The following CLCN4 variants were observed in gnomAD, a reference collection of about 807,000 sequenced individuals.
The protein encoded by CLCN4 is H(+)/Cl(-) exchange transporter 4.
In CLCN4, 1 loss-of-function variant was observed where a neutral mutation model predicts 41.7. The ratio of observed to expected loss-of-function variants is 0.02; its 90% CI spans 0.01 to 0.11. The LOEUF (loss-of-function observed/expected upper bound fraction) is 0.11. Ranked by LOEUF, CLCN4 falls within the 10% of genes least tolerant of loss-of-function variation. CLCN4 has a pLI of 1.00. For missense variants in CLCN4, 287 were observed against 661.0 expected, an observed-to-expected ratio of 0.43 and a Z score of 6.20; for synonymous variants, 277 against 285.8, an observed-to-expected ratio of 0.97 and a Z score of 0.31.
At chrX:10,171,438 G>C (rs1923384173) in intron 2 of CLCN4, among the ~76,000 whole-genome samples, 1 of 111,730 alleles carries the variant, frequency 9.0e-6, no homozygotes, top group Non-Finnish European at 1.9e-5. Context: ...AGTGGAACTT[G>C]AAATTAGGTT....
chrX:10,189,507 C>T (rs1249077674), intron 4 of CLCN4, among the ~76,000 whole-genome samples: 4 of 111,904 alleles, frequency 3.6e-5, no homozygotes, highest in Admixed American at 1.9e-4. Flanking sequence ...CACCACTGGC[C>T]AAAGGAGAGC....
At chrX:10,209,829 CTTTTT>C (rs58207034) in intron 9 of CLCN4, among the ~76,000 whole-genome samples, 1 of 97,640 alleles carries the variant, frequency 1.0e-5, no homozygotes, top group Non-Finnish European at 2.1e-5. Context: ...GTTATTATAG[CTTTTT>C]TTTTTTTTTT....
At chrX:10,228,017 G>A (rs1201993466) in intron 12 of CLCN4, among the ~76,000 whole-genome samples, 1 of 110,619 alleles carries the variant, frequency 9.0e-6, no homozygotes, top group East Asian at 2.8e-4. Flanking sequence ...ATACAGGCAT[G>A]TAATGCATAA....
At chrX:10,173,039 C>T (rs149075583) in intron 2 of CLCN4, among the ~76,000 whole-genome samples, 162 of 111,362 alleles carry the variant, frequency 1.5e-3, no homozygotes, top group Non-Finnish European at 2.6e-3. Context: ...ATGACGATCA[C>T]GGTAATGCAG....
At position 10,234,447 on chromosome X, in the gene CLCN4, G is replaced by A. The variant is rs902450444; in HGVS notation, c.*863G>A. The A allele has an allele frequency of 7.1e-5, 8 of 113,071 alleles. No homozygotes were observed. Among genetic ancestry groups the A allele is most frequent in the Non-Finnish European group, 1.1e-4 (6 of 53,401 alleles). 9.3% of individuals were successfully genotyped at this position (113,071 alleles called of 1,213,427 possible). ...CATGCATTCAATATTGATCAGCTCA[G>A]CACTTCCATGGGCCATAGCCGGTAT... is the stretch of plus-strand genomic sequence containing the variant. On this transcript the variant is annotated 3_prime_UTR_variant, in exon 13 of 13. Coordinates refer to ENST00000380833, the MANE Select transcript of CLCN4 (RefSeq NM_001830.4).
chrX:10,226,029 T>C (rs1419618815), intron 12 of CLCN4, among the ~76,000 whole-genome samples: 1 of 111,750 alleles, frequency 8.9e-6, no homozygotes, highest in Non-Finnish European at 1.9e-5. Flanking sequence ...AGCTTTGTTC[T>C]TTTTGCTTAG....
intron 12 of CLCN4, among the ~76,000 whole-genome samples, chrX:10,230,961 T>G (rs1273363184): frequency 8.9e-6 from 1 of 111,767 alleles, no homozygotes; most frequent in African/African-American, 3.3e-5. Flanking sequence ...TACAGAGTAG[T>G]TTCACTGCCC....
chrX:10,167,654 C>T (rs1444759238), intron 2 of CLCN4, among the ~76,000 whole-genome samples: 3 of 112,556 alleles, frequency 2.7e-5, no homozygotes, highest in Admixed American at 9.3e-5. Context: ...TTCAGGGTAT[C>T]CTGTGGGGAT....
rs1375752652 is a variant in CLCN4 at position 10,237,154 on chromosome X, G to A, written c.*3570G>A. ...TTTGAGCCTAATAAGTCACAGAAAT[G>A]GAAAATTTTAGAGCAGTTTGTTTCA... On this transcript the variant is annotated 3_prime_UTR_variant, in exon 13 of 13. Coordinates refer to ENST00000380833, the MANE Select transcript of CLCN4 (RefSeq NM_001830.4). 8.9e-6 allele frequency: 1 copy of A among 112,280 alleles called. No individual in the cohort carries two copies. The highest frequency in any genetic ancestry group is 1.9e-5 in the Non-Finnish European group (1 of 53,303). 9.3% of individuals were successfully genotyped at this position (112,280 alleles called of 1,213,427 possible).
At chrX:10,219,412 G>A (rs749628685) in intron 11 of CLCN4, among the ~76,000 whole-genome samples, 29 of 112,389 alleles carry the variant, frequency 2.6e-4, no homozygotes, top group Non-Finnish European at 3.9e-4. Flanking sequence ...AGAGAAGTAC[G>A]TAGTATATAT....
At chrX:10,193,517 A>G (rs1924020729) in intron 4 of CLCN4, among the ~76,000 whole-genome samples, 1 of 111,401 alleles carries the variant, frequency 9.0e-6, no homozygotes, top group Non-Finnish European at 1.9e-5. Context: ...GTGAGGAGGA[A>G]AGCAGGAGAG....
chrX:10,191,967 G>A (rs1923979565), intron 4 of CLCN4, among the ~76,000 whole-genome samples: 1 of 111,045 alleles, frequency 9.0e-6, no homozygotes, highest in Non-Finnish European at 1.9e-5. Flanking sequence ...AGTAACTGCC[G>A]TGTAGTAGGT....
At chrX:10,178,264 T>C (rs1366358111) in intron 2 of CLCN4, among the ~76,000 whole-genome samples, 1 of 111,974 alleles carries the variant, frequency 8.9e-6, no homozygotes, top group Non-Finnish European at 1.9e-5. Context: ...TTGTACACTT[T>C]AAAAGAGTAC....
At chrX:10,192,181 C>T (rs1293256649) in intron 4 of CLCN4, among the ~76,000 whole-genome samples, 2 of 110,671 alleles carry the variant, frequency 1.8e-5, no homozygotes, top group Non-Finnish European at 3.8e-5. Flanking sequence ...CCTGACCCCC[C>T]ACTGTGGTAT....
intron 9 of CLCN4, among the ~76,000 whole-genome samples, chrX:10,210,928 G>A (rs900999421): frequency 6.6e-5 from 7 of 105,467 alleles, no homozygotes; most frequent in Non-Finnish European, 1.2e-4. Context: ...AATTACAGGC[G>A]TGAGCCATCA....
intron 1 of CLCN4, among the ~76,000 whole-genome samples, chrX:10,157,689 A>G (rs981577640): frequency 2.7e-5 from 3 of 112,829 alleles, no homozygotes; most frequent in Admixed American, 1.9e-4. Context: ...ATTTTCTGTG[A>G]TAGTAAAATG....
chrX:10,199,715 A>C (rs186119650), intron 6 of CLCN4, among the ~76,000 whole-genome samples: 12 of 111,872 alleles, frequency 1.1e-4, no homozygotes, highest in Admixed American at 2.8e-4. Flanking sequence ...CATTGGAACA[A>C]ATTTGCATTT....
intron 9 of CLCN4, among the ~76,000 whole-genome samples, chrX:10,210,934 C>T (rs1178743819): frequency 9.4e-6 from 1 of 106,294 alleles, no homozygotes; most frequent in African/African-American, 3.5e-5. Context: ...AGGCGTGAGC[C>T]ATCACACCCA....
chrX:10,168,469 G>T (rs934770545), intron 2 of CLCN4, among the ~76,000 whole-genome samples: 2 of 112,147 alleles, frequency 1.8e-5, no homozygotes, highest in Admixed American at 9.5e-5. Flanking sequence ...GGTCATTTTT[G>T]CAAGAGAGGA....
Sources: allele counts gnomAD v4.1 joint callset (sites outside exome capture counted in the v4.1 genomes callset), GRCh38; gene constraint gnomAD v4.1.1; transcripts MANE v1.5; gene names NCBI Gene and HGNC (gene_info 2026-07-23, HGNC 2026-07-21).